SPATA17: variants seen among roughly 807,000 people sequenced by gnomAD.
SPATA17 encodes spermatogenesis-associated protein 17.
Under a neutral mutation model 62.2 loss-of-function variants are expected in SPATA17, and 53 were observed. The ratio of observed to expected loss-of-function variants is 0.85; its 90% CI spans 0.68 to 1.07. SPATA17 has a LOEUF of 1.07. Among genes scored for constraint, SPATA17 ranks in the 50% least tolerant of loss-of-function variants. The pLI, the probability that SPATA17 is intolerant of heterozygous loss-of-function variation, is 0.00. For synonymous variants in SPATA17, 146 were observed against 146.8 expected (o/e 0.99, Z 0.04); for missense variants, 466 against 425.5 (o/e 1.10, Z -0.84).
chr1:217,727,470 A>G (rs548645907), intron 5 of SPATA17, among the ~76,000 whole-genome samples: 3 of 152,084 alleles, frequency 2.0e-5, no homozygotes, highest in East Asian at 1.9e-4. Flanking sequence ...CATAGTGTTC[A>G]TTGAAAATAA....
chr1:217,678,655 C>T (rs892876299), intron 4 of SPATA17, among the ~76,000 whole-genome samples: 2 of 152,058 alleles, frequency 1.3e-5, no homozygotes, highest in African/African-American at 2.4e-5. Flanking sequence ...AAGGTTTTGC[C>T]ATTTGTTTTA....
chr1:217,702,616 A>G (rs564485408), intron 5 of SPATA17, among the ~76,000 whole-genome samples: 1 of 152,300 alleles, frequency 6.6e-6, no homozygotes, highest in South Asian at 2.1e-4. Context: ...GTTAAGAGCC[A>G]ATGCTTATTT....
chr1:217,814,489 T>G (rs187549182), intron 9 of SPATA17, among the ~76,000 whole-genome samples: 3 of 152,230 alleles, frequency 2.0e-5, no homozygotes, highest in Non-Finnish European at 2.9e-5. Flanking sequence ...CCTATGAAAT[T>G]TTCTTTCTGG....
intron 8 of SPATA17, among the ~76,000 whole-genome samples, chr1:217,793,500 G>A (rs1247230714): frequency 2.0e-5 from 3 of 152,166 alleles, no homozygotes; most frequent in South Asian, 2.1e-4. Context: ...GATTACAGGC[G>A]TGCGCCACCG....
intron 7 of SPATA17, among the ~76,000 whole-genome samples, chr1:217,777,704 T>G (rs919793560): frequency 6.6e-6 from 1 of 152,142 alleles, no homozygotes; most frequent in Non-Finnish European, 1.5e-5. Flanking sequence ...GCCAGGCCCA[T>G]GTATCAGCAT....
intron 9 of SPATA17, among the ~76,000 whole-genome samples, chr1:217,861,925 G>A (rs1042356572): frequency 6.6e-6 from 1 of 152,128 alleles, no homozygotes; most frequent in Non-Finnish European, 1.5e-5. Flanking sequence ...CTGTACCAGA[G>A]TGGAGACCGT....
intron 9 of SPATA17, among the ~76,000 whole-genome samples, chr1:217,822,993 C>G (rs1674904253): frequency 6.6e-6 from 1 of 151,596 alleles, no homozygotes; most frequent in Non-Finnish European, 1.5e-5. Context: ...TGATTTTAAC[C>G]TGTTCCCTTC....
intron 5 of SPATA17, among the ~76,000 whole-genome samples, chr1:217,686,187 A>T (rs1671210919): frequency 6.6e-6 from 1 of 152,146 alleles, no homozygotes; most frequent in Non-Finnish European, 1.5e-5. Context: ...TGAATTAAGT[A>T]GATTTTTTGA....
At chr1:217,776,474 T>A (rs955478650) in intron 7 of SPATA17, among the ~76,000 whole-genome samples, 9 of 152,134 alleles carry the variant, frequency 5.9e-5, no homozygotes, top group African/African-American at 2.2e-4. Flanking sequence ...ACAGTTTCTA[T>A]GGGTTTGCCA....
At chr1:217,792,388 G>A (rs1674015694) in intron 8 of SPATA17, among the ~76,000 whole-genome samples, 1 of 152,184 alleles carries the variant, frequency 6.6e-6, no homozygotes, top group Non-Finnish European at 1.5e-5. Context: ...ACTAAGATGA[G>A]TAGGGGGCTG....
At chr1:217,819,311 A>ATGT (rs1055401018) in intron 9 of SPATA17, among the ~76,000 whole-genome samples, 1 of 151,934 alleles carries the variant, frequency 6.6e-6, no homozygotes, top group African/African-American at 2.4e-5. Flanking sequence ...TAATAAAATA[A>ATGT]TGTTGTAGGG....
chr1:217,828,543 A>AAG (rs1237974898), intron 9 of SPATA17, among the ~76,000 whole-genome samples: 2 of 140,374 alleles, frequency 1.4e-5, no homozygotes, highest in Non-Finnish European at 3.2e-5. Flanking sequence ...TCACACCAAA[A>AAG]AAAAAAGGCT....
intron 9 of SPATA17, among the ~76,000 whole-genome samples, chr1:217,804,896 G>T (rs922519272): frequency 6.6e-6 from 1 of 152,158 alleles, no homozygotes; most frequent in African/African-American, 2.4e-5. Flanking sequence ...TAATGTATTG[G>T]CAAGGATGTG....
chr1:217,732,284 T>G (rs923213562), intron 5 of SPATA17, among the ~76,000 whole-genome samples: 1 of 152,220 alleles, frequency 6.6e-6, no homozygotes, highest in African/African-American at 2.4e-5. Flanking sequence ...CTTTAAAATA[T>G]GTTGACATCA....
In SPATA17 at chr1:217,638,258, A is replaced by C. The variant is rs898089470; in HGVS notation, c.68+6812A>C. On this transcript the variant is annotated intron_variant, in intron 1 of 10. Coordinates refer to ENST00000366933, the MANE Select transcript of SPATA17 (RefSeq NM_138796.4). ...TTTCCATAGGTATATACCTGTCCAAACTTCAGTCAGATAAAGTTCTGCAGT... is the reference window on the plus strand; with the variant it reads ...TTTCCATAGGTATATACCTGTCCAACCTTCAGTCAGATAAAGTTCTGCAGT... Among the ~76,000 whole-genome samples the C allele has an allele frequency of 3.1e-4, 47 of 152,252 alleles. 1 individual carries two copies. The highest frequency in any genetic ancestry group is 9.6e-4 in the African/African-American group (40 of 41,572).
At chr1:217,845,559 C>G (rs1270011676) in intron 9 of SPATA17, among the ~76,000 whole-genome samples, 1 of 152,016 alleles carries the variant, frequency 6.6e-6, no homozygotes, top group African/African-American at 2.4e-5. Flanking sequence ...CTGTATAAAA[C>G]CCAGACTACT....
chr1:217,632,028 C>A (rs1669799087), intron 1 of SPATA17, among the ~76,000 whole-genome samples: 1 of 151,956 alleles, frequency 6.6e-6, no homozygotes, highest in Admixed American at 6.6e-5. Context: ...ATTAAAAATA[C>A]AAAAACTAGC....
Position 217,683,507 on chromosome 1 carries a change from C to T in SPATA17, c.395+146C>T, listed in dbSNP as rs547451205. The T allele has an allele frequency of 1.0e-4, 55 of 549,842 alleles. No individual in the cohort carries two copies. In the South Asian group the frequency reaches 1.1e-3, roughly 11 times the overall value. The allele number at this position is 549,842 out of a possible 1,614,324, so 34.1% of individuals were successfully genotyped here. On this transcript the variant is annotated intron_variant, in intron 5 of 10. Transcript: ENST00000366933. Reference sequence around the variant, plus strand: ...AGTCTGGAGTGCAGTGGCGCAATCTCGGCTCACTGCAATCTCCTCCTCTTG... The same window carrying T: ...AGTCTGGAGTGCAGTGGCGCAATCTTGGCTCACTGCAATCTCCTCCTCTTG...
chr1:217,829,216 TAAAG>T (rs1675072711), intron 9 of SPATA17, among the ~76,000 whole-genome samples: 1 of 151,992 alleles, frequency 6.6e-6, no homozygotes, highest in Non-Finnish European at 1.5e-5. Context: ...GATGAATAGA[TAAAG>T]AAAATGTGAG....
Sources: allele counts gnomAD v4.1 joint callset (sites outside exome capture counted in the v4.1 genomes callset), GRCh38; gene constraint gnomAD v4.1.1; transcripts MANE v1.5; gene names NCBI Gene and HGNC (gene_info 2026-07-23, HGNC 2026-07-21).